GBA2: variants seen among roughly 807,000 people sequenced by gnomAD.
The protein encoded by GBA2 is glucosylceramidase beta 2.
Under a neutral mutation model 112.9 loss-of-function variants are expected in GBA2, and 79 were observed. That is an observed-to-expected ratio of 0.70 (90% CI 0.58 to 0.84). The LOEUF is 0.84. Among genes scored for constraint, GBA2 ranks in the 40% least tolerant of loss-of-function variants. The pLI, the probability that GBA2 is intolerant of heterozygous loss-of-function variation, is 0.00. For synonymous variants in GBA2, 403 were observed against 434.3 expected (o/e 0.93, Z 0.90); for missense variants, 1,043 against 1,190.0 (o/e 0.88, Z 1.82).
Position 35,741,738 on chromosome 9 carries a change from C to T in GBA2, c.720G>A (p.Gln240=), listed in dbSNP as rs1416577386. 6 of 1,613,958 alleles carry T rather than the reference C, an allele frequency of 3.7e-6. No individual in the cohort carries two copies. Among genetic ancestry groups the T allele is most frequent in the South Asian group, 1.1e-5 (1 of 91,088 alleles). Residue 240 remains glutamine, a synonymous_variant, in exon 4 of 17, where the codon CAG becomes CAA. Coordinates refer to ENST00000378103, the MANE Select transcript of GBA2 (RefSeq NM_020944.3). This position sits in a 1 kb window ranked among gnomAD's most constrained non-coding sequence, Gnocchi z 4.6. ...ALYPRAWTVY[Q]LPGQNVTLTC... is the part of the protein sequence containing the mutation. The stretch of plus-strand genomic sequence containing the variant: ...TGAGGGTGACATTCTGGCCAGGAAG[C>T]TGATAGACAGTCCAGGCTCGGGGAT...
chr9:35,741,328 T>TG lies in GBA2; in HGVS notation c.787-265_787-264insC. 6 of 423,996 alleles carry TG rather than the reference T, an allele frequency of 1.4e-5. No homozygotes were observed. The South Asian group carries it at 1.4e-4, about 10-fold the overall frequency. 26.3% of individuals were successfully genotyped at this position (423,996 alleles called of 1,614,324 possible). Reference sequence around the variant, plus strand: ...CCTTTCACAGGCCATGCAGTTTCTTTTTTTTTTTTTTTGGGGGGTGCGGTG... The same window carrying TG: ...CCTTTCACAGGCCATGCAGTTTCTTTGTTTTTTTTTTTTGGGGGGTGCGGTG... On this transcript the variant is annotated intron_variant, in intron 4 of 16. Coordinates refer to ENST00000378103, the MANE Select transcript of GBA2 (RefSeq NM_020944.3). This position sits in a 1 kb window ranked among gnomAD's most constrained non-coding sequence, Gnocchi z 4.6.
chr9:35,747,703 G>A (rs112218363), intron 1 of GBA2, among the ~76,000 whole-genome samples: 5 of 152,344 alleles, frequency 3.3e-5, no homozygotes, highest in African/African-American at 1.2e-4. Context: ...TTTGAACTCA[G>A]TGGGGATCTA....
At position 35,738,131 on chromosome 9, in the gene GBA2, C is replaced by T. The variant is rs1474314247; in HGVS notation, c.2219G>A (p.Ser740Asn). ...LWNGRYYNYD[S>N]SSRPQSRSVM... is the part of the protein sequence containing the mutation. ...ACTACGAGACTGAGGCCGAGAGCTG[C>T]TGTCATAGTTGTAATAGCGGCCTGG... Residue 740 changes from serine to asparagine, a missense_variant, in exon 15 of 17, where the codon AGC (serine) becomes AAC (asparagine). Physicochemically the swap from Ser to Asn is conservative, Grantham distance 46. Coordinates refer to ENST00000378103, the MANE Select transcript of GBA2 (RefSeq NM_020944.3). The T allele has an allele frequency of 2.5e-6, 4 of 1,613,864 alleles. No individual in the cohort carries two copies. Among genetic ancestry groups the T allele is most frequent in the Non-Finnish European group, 3.4e-6 (4 of 1,179,836 alleles).
chr9:35,742,355 A>C (rs1222874360), intron 3 of GBA2, among the ~76,000 whole-genome samples: 1 of 152,112 alleles, frequency 6.6e-6, no homozygotes, highest in Non-Finnish European at 1.5e-5. Flanking sequence ...TTCATATAAA[A>C]ACACTCACTG....
chr9:35,748,325 T>C, intron 1 of GBA2, 21 bp downstream of exon 1: 1 of 1,438,580 alleles, frequency 7.0e-7, no homozygotes, highest in African/African-American at 1.4e-5. Flanking sequence ...AAAGGCATTC[T>C]AGGCAATGGG....
chr9:35,747,003 A>T (rs1248029453), intron 1 of GBA2, among the ~76,000 whole-genome samples: 1 of 152,128 alleles, frequency 6.6e-6, no homozygotes, highest in African/African-American at 2.4e-5. Flanking sequence ...CTCCCTTAAT[A>T]TGGTAGCTGG....
intron 3 of GBA2, among the ~76,000 whole-genome samples, chr9:35,742,343 T>G (rs1363614435): frequency 6.6e-6 from 1 of 152,194 alleles, no homozygotes; most frequent in Admixed American, 6.5e-5. Flanking sequence ...ACCTATAGTC[T>G]GTTCATATAA....
rs1479873397 is a variant in GBA2 at position 35,746,415 on chromosome 9, C to G, written c.360-1709G>C. On this transcript the variant is annotated intron_variant, in intron 1 of 16. Transcript: ENST00000378103. The surrounding 1 kb of genome is among the most constrained non-coding windows in gnomAD (Gnocchi z 5.2). ...ACCAGCCTGGCCAATGTGGTGAAACCCCGTCTCTACTAAAAATACAAAAAC... is the reference window on the plus strand; with the variant it reads ...ACCAGCCTGGCCAATGTGGTGAAACGCCGTCTCTACTAAAAATACAAAAAC... 2.0e-5 allele frequency among the ~76,000 whole-genome samples: 3 copies of G among 152,072 alleles called. No homozygotes were observed. The highest frequency in any genetic ancestry group is 1.9e-4 in the East Asian group (1 of 5,192).
rs149501146 is a variant in GBA2 at position 35,740,012 on chromosome 9, C to A, written c.1395G>T (p.Pro465=). The part of the protein sequence containing the change: ...WEERISAWQS[P]VLDDRSLPAW... Reference sequence around the variant, plus strand: ...CCCACTGGCACCTGTCATCCAATACCGGGCTCTGCCAAGCTGAGATCCTCT... The same window carrying A: ...CCCACTGGCACCTGTCATCCAATACAGGGCTCTGCCAAGCTGAGATCCTCT... Residue 465 remains proline, a synonymous_variant, in exon 8 of 17, where the codon CCG becomes CCT. Coordinates refer to ENST00000378103, the MANE Select transcript of GBA2 (RefSeq NM_020944.3). This position sits in a 1 kb window ranked among gnomAD's most constrained non-coding sequence, Gnocchi z 4.7. 1.2e-6 allele frequency: 2 copies of A among 1,614,070 alleles called. No individual in the cohort carries two copies. Among genetic ancestry groups the A allele is most frequent in the East Asian group, 4.5e-5 (2 of 44,874 alleles).
chr9:35,741,167 C>T lies in GBA2; in HGVS notation c.787-103G>A. On this transcript the variant is annotated intron_variant, in intron 4 of 16. Coordinates refer to ENST00000378103, the MANE Select transcript of GBA2 (RefSeq NM_020944.3). The surrounding 1 kb of genome is among the most constrained non-coding windows in gnomAD (Gnocchi z 4.6). The stretch of plus-strand genomic sequence containing the variant: ...ACACAGAGGACCTGACTCAAATACT[C>T]CCCAGTGTACTCTTCTTTTGTCCAC... 4.1e-6 allele frequency: 5 copies of T among 1,206,876 alleles called. No individual in the cohort carries two copies. The highest frequency in any genetic ancestry group is 2.8e-5 in the South Asian group (2 of 71,830). The allele number at this position is 1,206,876 out of a possible 1,614,324, so 74.8% of individuals were successfully genotyped here. A position where few individuals can be genotyped will look rare whatever the true frequency, so the allele number is the denominator to read the frequency against.
rs1490668534 is a variant in GBA2 at position 35,741,235 on chromosome 9, T to C, written c.787-171A>G. 5.7e-6 allele frequency: 4 copies of C among 695,942 alleles called. No individual in the cohort carries two copies. The East Asian group carries it at 8.2e-5, about 14-fold the overall frequency. The allele number at this position is 695,942 out of a possible 1,614,324, so 43.1% of individuals were successfully genotyped here. A position where few individuals can be genotyped will look rare whatever the true frequency, so the allele number is the denominator to read the frequency against. ...CCCAGGCAAGCTGCCTAGCAGGGAATATAGAAGACCAGAACCAGTTGGGCG... is the reference window on the plus strand; with the variant it reads ...CCCAGGCAAGCTGCCTAGCAGGGAACATAGAAGACCAGAACCAGTTGGGCG... On this transcript the variant is annotated intron_variant, in intron 4 of 16. Transcript: ENST00000378103. The surrounding 1 kb of genome is among the most constrained non-coding windows in gnomAD (Gnocchi z 4.6).
rs750933950 is a variant in GBA2 at position 35,739,316 on chromosome 9, C to T, written c.1686G>A (p.Met562Ile). The change falls in exon 10 of 17, where the codon ATG becomes ATA. Residue 562 changes from methionine to isoleucine, a missense_variant and splice_region_variant. Physicochemically the swap from Met to Ile is conservative, Grantham distance 10 (BLOSUM62 1). Coordinates refer to ENST00000378103, the MANE Select transcript of GBA2 (RefSeq NM_020944.3). ...AAGCGGCACAAAAGGGATCCTCACC[C>T]ATGTCATACTGTAGGCTGAGCTCAA... ...PKLELSLQYD[M>I]ALATLREDLT... 5.6e-6 allele frequency: 9 copies of T among 1,598,302 alleles called. No individual in the cohort carries two copies. The highest frequency in any genetic ancestry group is 5.4e-5 in the African/African-American group (4 of 74,544).
chr9:35,740,387 G>A lies in GBA2; in HGVS notation c.1130-25C>T, dbSNP rs1199370507. 1 of 1,609,740 alleles carries A rather than the reference G, an allele frequency of 6.2e-7. No homozygotes were observed. Among genetic ancestry groups the A allele is most frequent in the Non-Finnish European group, 8.5e-7 (1 of 1,178,550 alleles). The stretch of plus-strand genomic sequence containing the variant: ...CCTGAGAGAAACACAAGAGAATTCA[G>A]GACAGGAGCCCCTTCAGCCCCAGGG... On this transcript the variant is annotated intron_variant, in intron 6 of 16. Coordinates refer to ENST00000378103, the MANE Select transcript of GBA2 (RefSeq NM_020944.3). This position sits in a 1 kb window ranked among gnomAD's most constrained non-coding sequence, Gnocchi z 4.7.
At position 35,742,118 on chromosome 9, in the gene GBA2, C is replaced by T. The variant is rs530905313; in HGVS notation, c.568-228G>A. On this transcript the variant is annotated intron_variant, in intron 3 of 16. Transcript: ENST00000378103. ...CTCCACTACGGTGGTGTTAGCACCT[C>T]ACTTAAGCCCAATCTCCTGCTTTTT... 22 of 577,792 alleles carry T rather than the reference C, an allele frequency of 3.8e-5. No individual in the cohort carries two copies. In the South Asian group the frequency reaches 4.4e-4, roughly 12 times the overall value. The allele number at this position is 577,792 out of a possible 1,614,324, so 35.8% of individuals were successfully genotyped here. A position where few individuals can be genotyped will look rare whatever the true frequency, so the allele number is the denominator to read the frequency against.
At position 35,741,326 on chromosome 9, in the gene GBA2, T is replaced by C. The variant is rs1826665779; in HGVS notation, c.787-262A>G. On this transcript the variant is annotated intron_variant, in intron 4 of 16. Coordinates refer to ENST00000378103, the MANE Select transcript of GBA2 (RefSeq NM_020944.3). This position sits in a 1 kb window ranked among gnomAD's most constrained non-coding sequence, Gnocchi z 4.6. ...TCCCTTTCACAGGCCATGCAGTTTC[T>C]TTTTTTTTTTTTTTGGGGGGTGCGG... 2 of 155,618 alleles carry C rather than the reference T, an allele frequency of 1.3e-5. No homozygotes were observed. The highest frequency in any genetic ancestry group is 1.9e-4 in the South Asian group (1 of 5,372). 9.6% of individuals were successfully genotyped at this position (155,618 alleles called of 1,614,324 possible).
rs138775145 is a variant in GBA2, at chr9:35,740,589, C to G, written c.1066G>C (p.Asp356His). ...TVTHITAFDP[D>H]STGQQVWQDL... ...TGCCACACCTGCTGCCCCGTGCTGT[C>G]AGGGTCAAAGGCTGTGATGTGGGTT... The change falls in exon 6 of 17, where the codon GAC (aspartate) becomes CAC (histidine). Residue 356 changes from aspartate (D) to histidine (H), a missense_variant. By Grantham distance (81) the Asp-to-His change is moderately conservative (BLOSUM62 -1). Transcript: ENST00000378103. This position sits in a 1 kb window ranked among gnomAD's most constrained non-coding sequence, Gnocchi z 4.7. 1 of 1,614,086 alleles carries G rather than the reference C, an allele frequency of 6.2e-7. No individual in the cohort carries two copies. Among genetic ancestry groups the G allele is most frequent in the Admixed American group, 1.7e-5 (1 of 60,022 alleles).
Position 35,740,528 on chromosome 9 carries a change from G to A in GBA2, c.1127C>T (p.Thr376Ile), listed in dbSNP as rs757642405. 2 of 1,608,236 alleles carry A rather than the reference G, an allele frequency of 1.2e-6. No homozygotes were observed. Residue 376 changes from threonine (T) to isoleucine (I), a missense_variant and splice_region_variant, in exon 6 of 17, where the codon ACT becomes ATT. By Grantham distance (89) the Thr-to-Ile change is moderately conservative (BLOSUM62 -1). Coordinates refer to ENST00000378103, the MANE Select transcript of GBA2 (RefSeq NM_020944.3). The surrounding 1 kb of genome is among the most constrained non-coding windows in gnomAD (Gnocchi z 4.7). ...LLQDGQLDSP[T>I]GQSTPTQKGV... is the part of the protein sequence containing the mutation. ...CTCCCAGTCAGACCCCCCATCACCAGTGGGAGAGTCCAGCTGTCCATCCTG... is the reference window on the plus strand; with the variant it reads ...CTCCCAGTCAGACCCCCCATCACCAATGGGAGAGTCCAGCTGTCCATCCTG...
Position 35,740,196 on chromosome 9 carries a change from T to C in GBA2, c.1283+13A>G. 6.2e-7 allele frequency: 1 copy of C among 1,614,070 alleles called. No individual in the cohort carries two copies. Among genetic ancestry groups the C allele is most frequent in the Non-Finnish European group, 8.5e-7 (1 of 1,179,950 alleles). ...CAGCACTCTGGATCCTTACACTTTC[T>C]TGGTCCCCTCACCTGTAGTGGACTT... On this transcript the variant is annotated intron_variant, in intron 7 of 16. Coordinates refer to ENST00000378103, the MANE Select transcript of GBA2 (RefSeq NM_020944.3). This position sits in a 1 kb window ranked among gnomAD's most constrained non-coding sequence, Gnocchi z 4.7.
Position 35,746,937 on chromosome 9 carries a change from G to A in GBA2, c.359+1409C>T, listed in dbSNP as rs936012246. Among the ~76,000 whole-genome samples the A allele has an allele frequency of 3.3e-5, 5 of 152,176 alleles. No homozygotes were observed. The highest frequency in any genetic ancestry group is 7.3e-5 in the Non-Finnish European group (5 of 68,040). ...GGTAAGACCCAGAGAATTCTGTCTT[G>A]CTAGAGCTCCTGGTCAGAGTGCCCA... On this transcript the variant is annotated intron_variant, in intron 1 of 16. Coordinates refer to ENST00000378103, the MANE Select transcript of GBA2 (RefSeq NM_020944.3). This position sits in a 1 kb window ranked among gnomAD's most constrained non-coding sequence, Gnocchi z 5.2.
Sources: gnomAD v4.1 joint callset for allele counts (sites outside exome capture counted in the v4.1 genomes callset) on GRCh38, gnomAD v4.1.1 for gene constraint, Gnocchi (gnomAD v3.1) non-coding constraint, MANE v1.5 for transcripts, NCBI Gene and HGNC (gene_info 2026-07-23, HGNC 2026-07-21) for gene names.